The following CDH12 variants were observed in gnomAD, a reference collection of about 807,000 sequenced individuals.
The protein encoded by CDH12 is cadherin 12, also known as cadherin-12.
A neutral mutation model predicts 74.1 loss-of-function variants in CDH12; 41 were observed. The observed-to-expected ratio is 0.55, with a 90% CI of 0.43 to 0.72. The LOEUF (loss-of-function observed/expected upper bound fraction) is 0.72. Ranked by LOEUF, CDH12 falls within the 30% of genes least tolerant of loss-of-function variation. CDH12 has a pLI of 0.00. For missense variants in CDH12, 945 were observed against 977.2 expected, an observed-to-expected ratio of 0.97 and a Z score of 0.44; for synonymous variants, 399 against 355.0, an observed-to-expected ratio of 1.12 and a Z score of -1.39.
chr5:22,108,706 T>C (rs1420976251), intron 4 of CDH12, among the ~76,000 whole-genome samples: 2 of 152,132 alleles, frequency 1.3e-5, no homozygotes, highest in Non-Finnish European at 2.9e-5. Flanking sequence ...CACTTAGACA[T>C]AGAGTGATTT....
chr5:22,465,778 A>G (rs1745702669), intron 2 of CDH12, among the ~76,000 whole-genome samples: 1 of 152,210 alleles, frequency 6.6e-6, no homozygotes, highest in African/African-American at 2.4e-5. Context: ...GTGTCAGGTA[A>G]AAAGTCTGCA....
rs114514345 is a variant in CDH12 at position 21,781,397 on chromosome 5, G to A, written c.1393+1961C>T. 4.8e-3 allele frequency among the ~76,000 whole-genome samples: 736 copies of A among 152,216 alleles called. 6 individuals are homozygous for A. Among genetic ancestry groups the A allele is most frequent in the African/African-American group, 0.016 (681 of 41,538 alleles). On this transcript the variant is annotated intron_variant, in intron 11 of 14. Transcript: ENST00000382254. ...CATAAGAATTAGCATTTGAACAACT[G>A]TCTTTACTGCCATTCCATTTTAGCC...
chr5:22,142,315 A>G (rs1428736908), intron 4 of CDH12: 1 of 312,276 alleles, frequency 3.2e-6, no homozygotes, highest in Admixed American at 4.7e-5. Context: ...AAGTAGAGGA[A>G]GGGGTACTGG....
intron 6 of CDH12, among the ~76,000 whole-genome samples, chr5:21,891,601 A>ACT (rs1554041541): frequency 1.4e-4 from 21 of 150,336 alleles, no homozygotes; most frequent in African/African-American, 4.9e-4. Flanking sequence ...ACACACACAC[A>ACT]CTCTTTCTGG....
intron 6 of CDH12, among the ~76,000 whole-genome samples, chr5:21,941,448 G>A (rs1755325541): frequency 1.3e-5 from 2 of 151,866 alleles, no homozygotes; most frequent in Admixed American, 6.6e-5. Context: ...TTTAAAAAAT[G>A]AGCCCAGATG....
intron 4 of CDH12, among the ~76,000 whole-genome samples, chr5:22,125,873 T>C (rs1342087896): frequency 6.6e-6 from 1 of 152,124 alleles, no homozygotes; most frequent in Non-Finnish European, 1.5e-5. Flanking sequence ...CCTCGCTTTT[T>C]GTTTATTCCA....
At chr5:22,431,723 A>G (rs1744181776) in intron 2 of CDH12, among the ~76,000 whole-genome samples, 1 of 152,182 alleles carries the variant, frequency 6.6e-6, no homozygotes, top group African/African-American at 2.4e-5. Flanking sequence ...GGCCTAGGCC[A>G]ATGTGTGTGT....
At chr5:22,351,408 A>C (rs1740349719) in intron 3 of CDH12, among the ~76,000 whole-genome samples, 1 of 152,184 alleles carries the variant, frequency 6.6e-6, no homozygotes, top group Non-Finnish European at 1.5e-5. Flanking sequence ...GGCAGAGCTG[A>C]TTCATATAAC....
At chr5:22,311,619 C>T (rs1169143415) in intron 3 of CDH12, among the ~76,000 whole-genome samples, 3 of 149,916 alleles carry the variant, frequency 2.0e-5, no homozygotes, top group African/African-American at 7.4e-5. Flanking sequence ...AGGATAATCG[C>T]TTGAACCTGG....
chr5:22,699,263 ATGT>A (rs888501122), intron 1 of CDH12, among the ~76,000 whole-genome samples: 1 of 151,658 alleles, frequency 6.6e-6, no homozygotes, highest in African/African-American at 2.4e-5. Flanking sequence ...AAAATCTTTA[ATGT>A]TGTGGTTTAA....
At chr5:22,072,600 T>A (rs1248459647) in intron 5 of CDH12, among the ~76,000 whole-genome samples, 1 of 151,496 alleles carries the variant, frequency 6.6e-6, no homozygotes, top group African/African-American at 2.4e-5. Context: ...ATACTTTAAG[T>A]TATAGGGTAC....
At chr5:21,754,083 AT>A (rs1158110352) in intron 14 of CDH12, among the ~76,000 whole-genome samples, 2 of 152,202 alleles carry the variant, frequency 1.3e-5, no homozygotes, top group African/African-American at 4.8e-5. Context: ...AACAAGGGTG[AT>A]GCCAGTCCAA....
chr5:22,836,217 C>CTTTTTTTTTTTTT (rs1561065915), intron 1 of CDH12, among the ~76,000 whole-genome samples: 1 of 20,478 alleles, frequency 4.9e-5, no homozygotes, highest in Non-Finnish European at 9.4e-5. Flanking sequence ...TTTTTTCTTT[C>CTTTTTTTTTTTTT]TTTCTCTTTT....
At chr5:22,390,348 G>A (rs920198362) in intron 3 of CDH12, among the ~76,000 whole-genome samples, 5 of 152,054 alleles carry the variant, frequency 3.3e-5, no homozygotes, top group Non-Finnish European at 7.4e-5. Flanking sequence ...CAATAGTAAT[G>A]TAACTTACTT....
intron 2 of CDH12, among the ~76,000 whole-genome samples, chr5:22,483,823 A>G (rs1236668260): frequency 1.5e-5 from 2 of 131,312 alleles, no homozygotes; most frequent in Non-Finnish European, 3.2e-5. Flanking sequence ...CTGAAGGCTG[A>G]GATGGGAGGA....
intron 1 of CDH12, among the ~76,000 whole-genome samples, chr5:22,559,981 GC>G (rs1202845278): frequency 3.3e-5 from 5 of 152,122 alleles, no homozygotes; most frequent in African/African-American, 1.2e-4. Context: ...ATTAAGTGGA[GC>G]CTTTGAGATT....
At chr5:21,901,257 A>G (rs1753372464) in intron 6 of CDH12, among the ~76,000 whole-genome samples, 1 of 152,194 alleles carries the variant, frequency 6.6e-6, no homozygotes, top group Non-Finnish European at 1.5e-5. Flanking sequence ...CCTAGAACTT[A>G]TAAGTCATAT....
intron 2 of CDH12, among the ~76,000 whole-genome samples, chr5:22,424,482 C>A (rs1743806763): frequency 6.6e-6 from 1 of 152,130 alleles, no homozygotes; most frequent in South Asian, 2.1e-4. Flanking sequence ...GCCACAGAAA[C>A]CTATGTAAGA....
intron 3 of CDH12, among the ~76,000 whole-genome samples, chr5:22,283,233 T>TATATATATATATA (rs1561281619): frequency 8.9e-5 from 2 of 22,418 alleles, no homozygotes; most frequent in Non-Finnish European, 2.0e-4. Context: ...TATATATATA[T>TATATATATATATA]ATATATATAT....
Sources: gnomAD v4.1 joint callset for allele counts (sites outside exome capture counted in the v4.1 genomes callset) on GRCh38, gnomAD v4.1.1 for gene constraint, MANE v1.5 for transcripts, NCBI Gene and HGNC (gene_info 2026-07-23, HGNC 2026-07-21) for gene names.